The following CLASP2 variants were observed in gnomAD, a reference collection of about 807,000 sequenced individuals.
CLASP2 encodes CLIP-associating protein 2.
A neutral mutation model predicts 194.4 loss-of-function variants in CLASP2; 47 were observed. The observed-to-expected ratio is 0.24, with a 90% CI of 0.19 to 0.31. The LOEUF is 0.31. Ranked by LOEUF, CLASP2 falls within the 10% of genes least tolerant of loss-of-function variation. CLASP2 has a pLI of 1.00. For synonymous variants in CLASP2, 619 were observed against 633.5 expected (o/e 0.98, Z 0.34); for missense variants, 1,445 against 1,823.6 (o/e 0.79, Z 3.78).
intron 12 of CLASP2, among the ~76,000 whole-genome samples, chr3:33,619,249 G>T (rs1455696883): frequency 6.6e-6 from 1 of 152,038 alleles, no homozygotes; most frequent in East Asian, 1.9e-4. Flanking sequence ...TTGTGAGGTG[G>T]CACATAACTA....
At chr3:33,644,627 T>C in intron 8 of CLASP2, 130 bp downstream of exon 8, 3 of 929,682 alleles carry the variant, frequency 3.2e-6, no homozygotes, top group Non-Finnish European at 5.0e-6. Context: ...CTTCTGAATG[T>C]TGCAACAGAC....
At chr3:33,592,200 T>C (rs556751291) in intron 21 of CLASP2, 195 bp downstream of exon 21, 25 of 705,822 alleles carry the variant, frequency 3.5e-5, no homozygotes, top group Middle Eastern at 2.3e-4. Flanking sequence ...ATCCAAAACA[T>C]TGAAAAAAAT....
intron 21 of CLASP2, among the ~76,000 whole-genome samples, chr3:33,586,643 C>T (rs2067442286): frequency 2.0e-5 from 3 of 152,096 alleles, no homozygotes; most frequent in South Asian, 2.1e-4. Flanking sequence ...AGAAAAAGTA[C>T]TAGATAAGAA....
intron 1 of CLASP2, among the ~76,000 whole-genome samples, chr3:33,717,575 C>G (rs1333266721): frequency 3.3e-5 from 5 of 152,106 alleles, no homozygotes; most frequent in Non-Finnish European, 1.5e-5. Flanking sequence ...TACAGGCGCC[C>G]GCCACCACGC....
intron 38 of CLASP2, among the ~76,000 whole-genome samples, chr3:33,501,303 C>G (rs1257166503): frequency 6.6e-6 from 1 of 151,934 alleles, no homozygotes; most frequent in East Asian, 1.9e-4. Context: ...TATATATAAC[C>G]ACAACAGTCT....
At chr3:33,644,178 G>A (rs745435671) in intron 8 of CLASP2, among the ~76,000 whole-genome samples, 10 of 152,000 alleles carry the variant, frequency 6.6e-5, no homozygotes, top group Non-Finnish European at 1.5e-4. Context: ...TATGATCAAT[G>A]AATATGCTAT....
intron 28 of CLASP2, among the ~76,000 whole-genome samples, chr3:33,560,088 A>G (rs1303792426): frequency 6.6e-6 from 1 of 152,224 alleles, no homozygotes; most frequent in East Asian, 1.9e-4. Flanking sequence ...TCTACACAAG[A>G]AAGTAGAAAT....
At chr3:33,662,063 A>G (rs2085392605) in intron 7 of CLASP2, among the ~76,000 whole-genome samples, 1 of 152,222 alleles carries the variant, frequency 6.6e-6, no homozygotes, top group Non-Finnish European at 1.5e-5. Context: ...CTTCAAAAAA[A>G]ATAAATGCCA....
rs759245006 is a variant in CLASP2, at chr3:33,501,708, G to A, written c.4378C>T (p.His1460Tyr). The change falls in exon 38 of 39, where the codon CAT becomes TAT. Residue 1460 changes from histidine (H) to tyrosine (Y), a missense_variant. By Grantham distance (83) the His-to-Tyr change is moderately conservative (BLOSUM62 2). Coordinates refer to ENST00000682230, the MANE Select transcript of CLASP2 (RefSeq NM_001365631.1). ...KACVFCLVAV[H>Y]AVIGDELKPH... is the part of the protein sequence containing the mutation. ...TTTAGTTCATCACCAATTACCGCAT[G>A]AACAGCCACCAGGCAGAAGACACAA... 1.7e-5 allele frequency: 28 copies of A among 1,613,624 alleles called. No individual in the cohort carries two copies. Among genetic ancestry groups the A allele is most frequent in the Non-Finnish European group, 2.4e-5 (28 of 1,179,794 alleles).
At chr3:33,692,175 AT>A (rs764559919) in intron 2 of CLASP2, among the ~76,000 whole-genome samples, 8 of 151,354 alleles carry the variant, frequency 5.3e-5, no homozygotes, top group African/African-American at 1.7e-4. Flanking sequence ...TCTCAAAAAA[AT>A]AATAAATAAA....
chr3:33,498,784 A>G (rs960109310), intron 38 of CLASP2, 67 bp from the exon 39 acceptor site: 14 of 961,968 alleles, frequency 1.5e-5, no homozygotes, highest in East Asian at 2.5e-5. Flanking sequence ...ACTCATTAAA[A>G]TATTATATAC....
At chr3:33,707,860 TAA>T (rs1485094405) in intron 1 of CLASP2, among the ~76,000 whole-genome samples, 1 of 152,112 alleles carries the variant, frequency 6.6e-6, no homozygotes, top group East Asian at 1.9e-4. Context: ...GGGGAAACAT[TAA>T]AAGAGACTTA....
At chr3:33,692,855 T>C (rs1470626623) in intron 2 of CLASP2, among the ~76,000 whole-genome samples, 2 of 152,174 alleles carry the variant, frequency 1.3e-5, no homozygotes, top group East Asian at 1.9e-4. Context: ...CAATGACACA[T>C]GGAAGAAGTC....
rs1406548077 is a variant in CLASP2, at chr3:33,717,877, C to T, written c.126G>A (p.Glu42=). ...TCTTGCCTAGGCGGCCCAGGTCCTC[C>T]TCCAGGTCCGAGATGGCGCCGGGGG... ...LGAPGAISDL[E]EDLGRLGKTV... The change falls in exon 1 of 39, where the codon GAG becomes GAA. Residue 42 remains glutamate (E), a synonymous_variant. Coordinates refer to ENST00000682230, the MANE Select transcript of CLASP2 (RefSeq NM_001365631.1). 6 of 1,561,530 alleles carry T rather than the reference C, an allele frequency of 3.8e-6. No homozygotes were observed. Among genetic ancestry groups the T allele is most frequent in the African/African-American group, 1.4e-5 (1 of 73,632 alleles).
At chr3:33,522,519 T>C (rs1459402323) in intron 34 of CLASP2, among the ~76,000 whole-genome samples, 1 of 151,998 alleles carries the variant, frequency 6.6e-6, no homozygotes, top group Non-Finnish European at 1.5e-5. Flanking sequence ...TCACAAGGCA[T>C]ATGAAGAACC....
Position 33,560,944 on chromosome 3 carries a change from C to G in CLASP2, c.2794G>C (p.Val932Leu), listed in dbSNP as rs2061698789. The G allele has an allele frequency of 6.2e-7, 1 of 1,613,620 alleles. No homozygotes were observed. The highest frequency in any genetic ancestry group is 1.7e-5 in the Admixed American group (1 of 59,966). Residue 932 changes from valine to leucine, a missense_variant, in exon 28 of 39, where the codon GTG becomes CTG. Coordinates refer to ENST00000682230, the MANE Select transcript of CLASP2 (RefSeq NM_001365631.1). Reference protein sequence around the residue: ...RVFSMFLETLVDFIQVHKDDL... With the variant: ...RVFSMFLETLLDFIQVHKDDL... ...TCTTTGTGGACTTGTATGAAATCCA[C>G]TAGAGTCTCCAAAAACATGCTGAAT...
chr3:33,502,939 G>A (rs1254503227), intron 37 of CLASP2: 2 of 152,062 alleles, frequency 1.3e-5, no homozygotes, highest in Non-Finnish European at 2.9e-5. Flanking sequence ...CATTTAGTAT[G>A]CTTCCTAATT....
At chr3:33,519,538 G>C (rs771798905) in intron 34 of CLASP2, among the ~76,000 whole-genome samples, 3 of 151,896 alleles carry the variant, frequency 2.0e-5, no homozygotes, top group Non-Finnish European at 4.4e-5. Context: ...AGAAAAATCA[G>C]AACAGAAATA....
At chr3:33,653,655 T>C (rs2083609510) in intron 7 of CLASP2, among the ~76,000 whole-genome samples, 1 of 152,172 alleles carries the variant, frequency 6.6e-6, no homozygotes. Context: ...TTGATATACA[T>C]GATGAGTACC....
Sources: allele counts gnomAD v4.1 joint callset (sites outside exome capture counted in the v4.1 genomes callset), GRCh38; gene constraint gnomAD v4.1.1; transcripts MANE v1.5; gene names NCBI Gene and HGNC (gene_info 2026-07-23, HGNC 2026-07-21).